UBAP2: variants seen among roughly 807,000 people sequenced by gnomAD.
UBAP2 encodes the protein ubiquitin associated protein 2.
A neutral mutation model predicts 139.6 loss-of-function variants in UBAP2; 75 were observed. That is an observed-to-expected ratio of 0.54 (90% CI 0.45 to 0.65). The LOEUF is 0.65. Ranked by LOEUF, UBAP2 falls within the 30% of genes least tolerant of loss-of-function variation. The pLI, the probability that UBAP2 is intolerant of heterozygous loss-of-function variation, is 0.00. For synonymous variants in UBAP2, 526 were observed against 526.2 expected (o/e 1.00, Z 0.01); for missense variants, 1,368 against 1,369.6 (o/e 1.00, Z 0.02).
chr9:33,922,556 T>G lies in UBAP2; in HGVS notation c.3308A>C (p.Lys1103Thr). The G allele has an allele frequency of 6.2e-7, 1 of 1,613,890 alleles. No homozygotes were observed. The highest frequency in any genetic ancestry group is 8.5e-7 in the Non-Finnish European group (1 of 1,179,974). ...QRSQPSSLQP[K>T]SQASKPAYGN... is the part of the protein sequence containing the mutation. ...GTAGGCAGGTTTGGAGGCTTGAGAC[T>G]TGGGCTGCAGGGAGCTGGGCTGGCT... Residue 1103 changes from lysine (K) to threonine (T), a missense_variant, in exon 29 of 29, where the codon AAG becomes ACG. Physicochemically the swap from Lys to Thr is moderately conservative, Grantham distance 78. Transcript: ENST00000379238.
At chr9:34,001,497 G>A (rs1047758955) in intron 2 of UBAP2, among the ~76,000 whole-genome samples, 1 of 152,184 alleles carries the variant, frequency 6.6e-6, no homozygotes, top group Non-Finnish European at 1.5e-5. Flanking sequence ...CAGCTAGTAG[G>A]TAAAACTGGA....
intron 1 of UBAP2, among the ~76,000 whole-genome samples, chr9:34,030,805 C>A (rs1825826103): frequency 6.6e-6 from 1 of 151,912 alleles, no homozygotes; most frequent in Non-Finnish European, 1.5e-5. Context: ...TGGCAGGCGC[C>A]TGTAGTCCCA....
intron 1 of UBAP2, among the ~76,000 whole-genome samples, chr9:34,024,337 T>C (rs935749593): frequency 1.5e-5 from 1 of 68,108 alleles, no homozygotes; most frequent in African/African-American, 5.4e-5. Context: ...AGCAAAACTC[T>C]GTCTCAAAAA....
Position 33,927,079 on chromosome 9 carries a change from G to T in UBAP2, c.2373C>A (p.Gly791=), listed in dbSNP as rs779466869. The change falls in exon 21 of 29, where the codon GGC becomes GGA. Residue 791 remains glycine (G), a splice_region_variant and synonymous_variant. Coordinates refer to ENST00000379238, the MANE Select transcript of UBAP2 (RefSeq NM_001370062.2). ...CCTGAGGTAAGTTTGGGGGTGCTTTGCCTGTATAGAGGGAAAAATCAAATG... is the reference window on the plus strand; with the variant it reads ...CCTGAGGTAAGTTTGGGGGTGCTTTTCCTGTATAGAGGGAAAAATCAAATG... ...SSRAAPLVTS[G]KAPPNLPQGV... The T allele has an allele frequency of 1.2e-6, 2 of 1,610,010 alleles. No individual in the cohort carries two copies. The highest frequency in any genetic ancestry group is 1.1e-5 in the South Asian group (1 of 90,566).
At chr9:33,928,740 A>T (rs1823706739) in intron 19 of UBAP2, 2 of 152,426 alleles carry the variant, frequency 1.3e-5, no homozygotes, top group Admixed American at 6.5e-5. Flanking sequence ...GGTGGGGGGC[A>T]CACCTAGGTG....
chr9:34,013,989 A>G (rs566296126), intron 2 of UBAP2, among the ~76,000 whole-genome samples: 19 of 152,240 alleles, frequency 1.2e-4, no homozygotes, highest in Admixed American at 1.0e-3. Flanking sequence ...ATAAATAAAC[A>G]TCAATAATTT....
intron 8 of UBAP2, among the ~76,000 whole-genome samples, chr9:33,966,751 T>G (rs191489079): frequency 1.6e-4 from 24 of 152,132 alleles, no homozygotes; most frequent in Admixed American, 1.2e-3. Context: ...TTGTTTGCAA[T>G]TGTTCACTGC....
intron 7 of UBAP2, 142 bp downstream of exon 7, chr9:33,973,039 ATT>A (rs1828026323): frequency 1.4e-6 from 1 of 725,770 alleles, no homozygotes; most frequent in Non-Finnish European, 2.3e-6. Flanking sequence ...TATTCATATT[ATT>A]TTTCTTATTT....
At chr9:33,954,068 A>G (rs1246908591) in intron 11 of UBAP2, among the ~76,000 whole-genome samples, 1 of 151,790 alleles carries the variant, frequency 6.6e-6, no homozygotes, top group Non-Finnish European at 1.5e-5. Context: ...CACCATGCCC[A>G]GCTAATTTTT....
chr9:34,041,251 G>A lies in UBAP2; in HGVS notation c.-42+7574C>T, dbSNP rs576242703. 5.3e-5 allele frequency among the ~76,000 whole-genome samples: 8 copies of A among 149,674 alleles called. No homozygotes were observed. The East Asian group carries it at 7.8e-4, about 15-fold the overall frequency. ...GCAGATCGCTGGAGGTCAGGAGTTC[G>A]AGACCAGCCTGCCCAACATAGTGAA... On this transcript the variant is annotated intron_variant, in intron 1 of 28. Transcript: ENST00000379238.
At chr9:33,988,243 T>G (rs1190276940) in intron 5 of UBAP2, among the ~76,000 whole-genome samples, 2 of 152,216 alleles carry the variant, frequency 1.3e-5, no homozygotes, top group Non-Finnish European at 2.9e-5. Context: ...CTTACTTTAT[T>G]CATTGCTGTA....
intron 6 of UBAP2, among the ~76,000 whole-genome samples, chr9:33,986,482 T>G (rs368386117): frequency 6.6e-6 from 1 of 152,208 alleles, no homozygotes; most frequent in Non-Finnish European, 1.5e-5. Context: ...ATTCCAAACG[T>G]AATACAATTA....
chr9:33,967,279 C>T (rs1036786194), intron 8 of UBAP2, among the ~76,000 whole-genome samples: 1 of 152,122 alleles, frequency 6.6e-6, no homozygotes, highest in African/African-American at 2.4e-5. Flanking sequence ...CAAAAAACAA[C>T]GGTTTATTCT....
chr9:33,933,073 A>G (rs756769413), intron 18 of UBAP2, among the ~76,000 whole-genome samples: 3 of 152,152 alleles, frequency 2.0e-5, no homozygotes. Flanking sequence ...CCATTTTCCT[A>G]CACCTTGTTC....
At position 33,998,585 on chromosome 9, in the gene UBAP2, G is replaced by A. The variant is rs2131190615; in HGVS notation, c.177+202C>T. 10 of 510,636 alleles carry A rather than the reference G, an allele frequency of 2.0e-5. No homozygotes were observed. In the South Asian group the frequency reaches 2.6e-4, roughly 13 times the overall value. The allele number at this position is 510,636 out of a possible 1,614,324, so 31.6% of individuals were successfully genotyped here. On this transcript the variant is annotated intron_variant, in intron 3 of 28. Transcript: ENST00000379238. ...GTAACTCAGAAAGATTATATTGTAA[G>A]GCAGGTGAACGTATTCAATTCCTTC...
intron 1 of UBAP2, among the ~76,000 whole-genome samples, chr9:34,025,436 C>T (rs1785500): frequency 0.81 from 122,881 of 152,138 alleles, 49,757 homozygotes; most frequent in Middle Eastern, 0.87. Flanking sequence ...AAGCACCAGG[C>T]TTACTTCAAT....
chr9:33,948,490 A>G lies in UBAP2; in HGVS notation c.1154T>C (p.Leu385Ser). Residue 385 changes from leucine (L) to serine (S), a missense_variant, in exon 13 of 29, where the codon TTG becomes TCG. Transcript: ENST00000379238. ...QILDQLKAPS[L>S]GQFTTTPSTQ... ...ACTTGGGGTGGTGGTAAACTGGCCC[A>G]AACTCGGAGCTTTCAACTGGTCCAA... is the stretch of plus-strand genomic sequence containing the variant. 1 of 1,614,176 alleles carries G rather than the reference A, an allele frequency of 6.2e-7. No individual in the cohort carries two copies. Among genetic ancestry groups the G allele is most frequent in the Non-Finnish European group, 8.5e-7 (1 of 1,180,032 alleles).
At chr9:33,962,710 C>T (rs1827161976) in intron 9 of UBAP2, among the ~76,000 whole-genome samples, 1 of 150,112 alleles carries the variant, frequency 6.7e-6, no homozygotes. Context: ...GGAGCAGTGG[C>T]TCATGCCTGT....
chr9:34,048,677 G>GTGAA (rs1827848789), intron 1 of UBAP2, 148 bp downstream of exon 1: 1 of 152,406 alleles, frequency 6.6e-6, no homozygotes, highest in African/African-American at 2.4e-5. Context: ...GACCTGGCGA[G>GTGAA]TGAAGCTCGG....
Sources: allele counts gnomAD v4.1 joint callset (sites outside exome capture counted in the v4.1 genomes callset), GRCh38; gene constraint gnomAD v4.1.1; transcripts MANE v1.5; gene names NCBI Gene and HGNC (gene_info 2026-07-23, HGNC 2026-07-21).